Variants in KLHL29 observed in about 807,000 individuals in gnomAD.
The protein encoded by KLHL29 is kelch-like protein 29.
KLHL29 carries 21 observed loss-of-function variants against 80.4 expected under a neutral mutation model. The observed-to-expected ratio is 0.26, with a 90% confidence interval of 0.19 to 0.38. KLHL29 has a LOEUF of 0.38. Among genes scored for constraint, KLHL29 ranks in the 10% least tolerant of loss-of-function variants. The probability of loss-of-function intolerance (pLI) is 1.00; values close to 1 mark genes in which losing one functional copy is unlikely to be tolerated. For missense variants in KLHL29, 867 were observed against 1,223.9 expected, an observed-to-expected ratio of 0.71 and a Z score of 4.35; for synonymous variants, 511 against 526.8, an observed-to-expected ratio of 0.97 and a Z score of 0.41.
At chr2:23,651,495 G>A (rs1201999274) in intron 5 of KLHL29, among the ~76,000 whole-genome samples, 9 of 152,098 alleles carry the variant, frequency 5.9e-5, no homozygotes, top group African/African-American at 1.4e-4. Flanking sequence ...CAAAGTCAAC[G>A]CCATGGCTAC....
chr2:23,510,274 C>T (rs577493142), intron 2 of KLHL29, among the ~76,000 whole-genome samples: 8 of 152,250 alleles, frequency 5.3e-5, no homozygotes, highest in South Asian at 2.1e-4. Flanking sequence ...GGAGACTTAA[C>T]CAAGAAGCAT....
At chr2:23,590,274 C>T (rs909153247) in intron 3 of KLHL29, among the ~76,000 whole-genome samples, 2 of 105,914 alleles carry the variant, frequency 1.9e-5, no homozygotes, top group Admixed American at 1.8e-4. Context: ...AAGAAGCACA[C>T]ATTCTGAAGT....
chr2:23,472,371 G>A (rs528480687), intron 1 of KLHL29, among the ~76,000 whole-genome samples: 22 of 152,154 alleles, frequency 1.4e-4, no homozygotes, highest in African/African-American at 4.3e-4. Flanking sequence ...AGGATGTCAC[G>A]GGTTCTCTAG....
chr2:23,434,228 G>A, intron 1 of KLHL29, among the ~76,000 whole-genome samples: 1 of 150,688 alleles, frequency 6.6e-6, no homozygotes, highest in Non-Finnish European at 1.5e-5. Context: ...GGCTGAGGCA[G>A]GAGAATGGTG....
At chr2:23,694,851 T>C (rs2551353) in intron 8 of KLHL29, among the ~76,000 whole-genome samples, 114,945 of 151,962 alleles carry the variant, frequency 0.76, 45,125 homozygotes, top group East Asian at 1. Flanking sequence ...AAACCCTCAC[T>C]AGACACTCCT....
At chr2:23,584,779 C>G (rs907678676) in intron 3 of KLHL29, among the ~76,000 whole-genome samples, 1 of 152,054 alleles carries the variant, frequency 6.6e-6, no homozygotes, top group African/African-American at 2.4e-5. Flanking sequence ...CTATGTTGCC[C>G]AGGCCGGAGT....
At chr2:23,674,517 A>C (rs865906773) in intron 5 of KLHL29, among the ~76,000 whole-genome samples, 1 of 152,160 alleles carries the variant, frequency 6.6e-6, no homozygotes, top group Non-Finnish European at 1.5e-5. Flanking sequence ...TCTGGCCCCA[A>C]CTATCTATCC....
chr2:23,484,079 CAA>C, intron 2 of KLHL29, among the ~76,000 whole-genome samples: 1 of 152,140 alleles, frequency 6.6e-6, no homozygotes, highest in East Asian at 1.9e-4. Flanking sequence ...CACCATGACC[CAA>C]GAGGCCTAAA....
chr2:23,640,794 C>T (rs527561048), intron 4 of KLHL29, among the ~76,000 whole-genome samples: 9 of 152,312 alleles, frequency 5.9e-5, no homozygotes, highest in Non-Finnish European at 1.0e-4. Context: ...GGCCTACGGT[C>T]CCTCAGCTGG....
intron 3 of KLHL29, among the ~76,000 whole-genome samples, chr2:23,603,476 A>G (rs1668625607): frequency 6.6e-6 from 1 of 152,084 alleles, no homozygotes; most frequent in South Asian, 2.1e-4. Context: ...CAGATTCCAG[A>G]GCTGAAGGCA....
chr2:23,650,887 C>T (rs759927410), intron 5 of KLHL29, among the ~76,000 whole-genome samples: 9 of 152,066 alleles, frequency 5.9e-5, no homozygotes, highest in African/African-American at 1.4e-4. Flanking sequence ...CAGGCCATGG[C>T]GTGGTATGTG....
intron 3 of KLHL29, among the ~76,000 whole-genome samples, chr2:23,567,428 G>A (rs879944668): frequency 2.0e-5 from 3 of 152,154 alleles, no homozygotes. Flanking sequence ...GGCCCGAGAA[G>A]AACCAAAAGG....
chr2:23,402,562 A>G (rs905663064), intron 1 of KLHL29, among the ~76,000 whole-genome samples: 1 of 151,248 alleles, frequency 6.6e-6, no homozygotes, highest in African/African-American at 2.4e-5. Flanking sequence ...GGCATCCCCC[A>G]GCAGACTGCT....
intron 3 of KLHL29, among the ~76,000 whole-genome samples, chr2:23,572,700 CTTT>C (rs67663284): frequency 2.9e-5 from 4 of 136,818 alleles, no homozygotes; most frequent in Non-Finnish European, 4.8e-5. Flanking sequence ...ACAGTGATTT[CTTT>C]TTTTTTTTTT....
chr2:23,569,229 T>C (rs972963353), intron 3 of KLHL29, among the ~76,000 whole-genome samples: 1 of 152,204 alleles, frequency 6.6e-6, no homozygotes, highest in Non-Finnish European at 1.5e-5. Context: ...AAAATCCACT[T>C]GGGAAAACAA....
chr2:23,699,083 C>T (rs1410818814), intron 11 of KLHL29, among the ~76,000 whole-genome samples: 1 of 152,164 alleles, frequency 6.6e-6, no homozygotes, highest in Non-Finnish European at 1.5e-5. Flanking sequence ...TTGAATCTGC[C>T]CCGCTGCTGC....
intron 2 of KLHL29, among the ~76,000 whole-genome samples, chr2:23,556,364 C>T (rs1298564050): frequency 6.6e-6 from 1 of 152,162 alleles, no homozygotes; most frequent in East Asian, 1.9e-4. Flanking sequence ...GGAGGCCAGG[C>T]ATGGTGGCTC....
chr2:23,466,356 A>G (rs1353511463), intron 1 of KLHL29, among the ~76,000 whole-genome samples: 1 of 152,264 alleles, frequency 6.6e-6, no homozygotes, highest in African/African-American at 2.4e-5. Context: ...GTTTCTTTTT[A>G]TCAACCTTTA....
chr2:23,629,869 G>A (rs1056209977), intron 3 of KLHL29, among the ~76,000 whole-genome samples: 1 of 152,132 alleles, frequency 6.6e-6, no homozygotes, highest in African/African-American at 2.4e-5. Flanking sequence ...GAGGGAGAGA[G>A]AGGCCTGGCA....
Sources: allele counts gnomAD v4.1 joint callset (sites outside exome capture counted in the v4.1 genomes callset), GRCh38; gene constraint gnomAD v4.1.1; transcripts MANE v1.5; gene names NCBI Gene and HGNC (gene_info 2026-07-23, HGNC 2026-07-21).